MYT1L: variants seen among roughly 807,000 people sequenced by gnomAD.
MYT1L encodes myelin transcription factor 1-like protein.
Under a neutral mutation model 126.7 loss-of-function variants are expected in MYT1L, and 12 were observed. The ratio of observed to expected loss-of-function variants is 0.09; its 90% CI spans 0.06 to 0.15. MYT1L has a LOEUF of 0.15. Ranked by LOEUF, MYT1L falls within the 10% of genes least tolerant of loss-of-function variation. MYT1L has a pLI of 1.00. For missense variants in MYT1L, 979 were observed against 1,585.2 expected (o/e 0.62, Z 6.49); for synonymous variants, 541 against 604.2 (o/e 0.90, Z 1.53).
At position 1,922,552 on chromosome 2, in the gene MYT1L, T is replaced by C. The variant is rs577473815; in HGVS notation, c.1217A>G (p.His406Arg). The C allele has an allele frequency of 7.4e-6, 12 of 1,614,032 alleles. No individual in the cohort carries two copies. In the East Asian group the frequency reaches 8.9e-5, roughly 12 times the overall value. ...FASCAKEDGC[H>R]ERDDDTTSVN... The stretch of plus-strand genomic sequence containing the variant: ...AGAGGTGGTATCGTCGTCCCGCTCA[T>C]GACACCCATCCTCCTTCGCACAGCT... The change falls in exon 10 of 25, where the codon CAT becomes CGT. Residue 406 changes from histidine (H) to arginine (R), a missense_variant. Coordinates refer to ENST00000647738, the MANE Select transcript of MYT1L (RefSeq NM_001303052.2). This position sits in a 1 kb window ranked among gnomAD's most constrained non-coding sequence, Gnocchi z 7.4.
intron 3 of MYT1L, among the ~76,000 whole-genome samples, chr2:2,093,452 A>AT (rs2077104819): frequency 6.6e-6 from 1 of 151,632 alleles, no homozygotes. Flanking sequence ...GATGATGAGC[A>AT]TTTTTTCATG....
chr2:2,301,891 C>T (rs1295408092), intron 1 of MYT1L, among the ~76,000 whole-genome samples: 1 of 150,866 alleles, frequency 6.6e-6, no homozygotes, highest in Non-Finnish European at 1.5e-5. Context: ...CACTACTGGG[C>T]CCAAATATTA....
At chr2:1,813,963 C>A (rs1162659770) in intron 21 of MYT1L, among the ~76,000 whole-genome samples, 1 of 133,108 alleles carries the variant, frequency 7.5e-6, no homozygotes, top group Non-Finnish European at 1.6e-5. Flanking sequence ...GGAGGCGGAG[C>A]TTGCAGTGAG....
chr2:1,867,385 G>A lies in MYT1L; in HGVS notation c.2712-15682C>T, dbSNP rs551907944. Among the ~76,000 whole-genome samples, 53 of 152,232 alleles carry A rather than the reference G, an allele frequency of 3.5e-4. 1 individual carries two copies. In the South Asian group the frequency reaches 9.7e-3, roughly 28 times the overall value. The stretch of plus-strand genomic sequence containing the variant: ...GGCTCTCACCCCGGTGCCCCACAGC[G>A]CCCTTGCCTCCTGCCTATCCCATGT... On this transcript the variant is annotated intron_variant, in intron 18 of 24. Transcript: ENST00000647738.
At chr2:2,322,173 C>A (rs1238727345) in intron 1 of MYT1L, among the ~76,000 whole-genome samples, 1 of 139,536 alleles carries the variant, frequency 7.2e-6, no homozygotes, top group South Asian at 2.3e-4. Context: ...TTTTTTTTTT[C>A]TTTCACAATC....
At chr2:2,137,263 C>T (rs1271764727) in intron 3 of MYT1L, among the ~76,000 whole-genome samples, 6 of 151,932 alleles carry the variant, frequency 3.9e-5, no homozygotes, top group Non-Finnish European at 7.4e-5. Context: ...GGCCATACTG[C>T]CCAAGGTAAT....
intron 3 of MYT1L, among the ~76,000 whole-genome samples, chr2:2,064,346 A>C (rs1218483036): frequency 6.6e-6 from 1 of 152,206 alleles, no homozygotes; most frequent in African/African-American, 2.4e-5. Context: ...AATGGAGTCC[A>C]CACCATCACA....
intron 8 of MYT1L, among the ~76,000 whole-genome samples, chr2:1,966,112 C>T (rs1241730856): frequency 1.3e-5 from 2 of 152,212 alleles, no homozygotes; most frequent in Non-Finnish European, 2.9e-5. Flanking sequence ...TTTCTAATTT[C>T]TGCCTGGCAG....
chr2:2,178,312 G>A lies in MYT1L; in HGVS notation c.-420-5324C>T, dbSNP rs1013008756. Among the ~76,000 whole-genome samples the A allele has an allele frequency of 1.4e-4, 22 of 152,116 alleles. 1 individual carries two copies. Among genetic ancestry groups the A allele is most frequent in the African/African-American group, 5.1e-4 (21 of 41,414 alleles). ...TCCCCAGACCCCCAAGCCATTTGCT[G>A]CTTTACAATATAGTTGAAGACAGGC... On this transcript the variant is annotated intron_variant, in intron 2 of 24. Transcript: ENST00000647738.
chr2:2,126,080 A>C (rs2081650514), intron 3 of MYT1L, among the ~76,000 whole-genome samples: 1 of 152,132 alleles, frequency 6.6e-6, no homozygotes, highest in South Asian at 2.1e-4. Flanking sequence ...GAAAGGGGAG[A>C]GTAGGGGCGG....
chr2:2,144,563 T>C (rs2084573548), intron 3 of MYT1L, among the ~76,000 whole-genome samples: 1 of 152,120 alleles, frequency 6.6e-6, no homozygotes, highest in African/African-American at 2.4e-5. Flanking sequence ...AGTAAAACCT[T>C]ATGGACTAGT....
chr2:2,225,392 C>A (rs1464459684), intron 2 of MYT1L, among the ~76,000 whole-genome samples: 1 of 152,162 alleles, frequency 6.6e-6, no homozygotes, highest in East Asian at 1.9e-4. Context: ...AAGGCAGCAC[C>A]TACCTACGTA....
intron 2 of MYT1L, among the ~76,000 whole-genome samples, chr2:2,187,164 G>T (rs1019763827): frequency 6.6e-6 from 1 of 152,048 alleles, no homozygotes; most frequent in African/African-American, 2.4e-5. Flanking sequence ...TTGGTCGTGG[G>T]CTCCCTCTTC....
intron 2 of MYT1L, among the ~76,000 whole-genome samples, chr2:2,186,295 C>G (rs550905477): frequency 6.7e-6 from 1 of 149,104 alleles, no homozygotes; most frequent in African/African-American, 2.5e-5. Flanking sequence ...GTGAGGGGGA[C>G]GTAGCCGGGC....
chr2:2,036,609 T>G, intron 4 of MYT1L, among the ~76,000 whole-genome samples: 1 of 152,240 alleles, frequency 6.6e-6, no homozygotes, highest in Non-Finnish European at 1.5e-5. Flanking sequence ...TTCCTCTCAG[T>G]CCCCCATATC....
rs112930747 is a variant in MYT1L at position 2,099,979 on chromosome 2, T to C, written c.-303-45856A>G. ...ATCTGTTGAGTGGGAATGGGCGCCA[T>C]AGGCCTTGTCCATCCTCACCCTGTC... On this transcript the variant is annotated intron_variant, in intron 3 of 24. Coordinates refer to ENST00000647738, the MANE Select transcript of MYT1L (RefSeq NM_001303052.2). Among the ~76,000 whole-genome samples the C allele has an allele frequency of 4.6e-5, 7 of 152,328 alleles. No homozygotes were observed. The South Asian group carries it at 8.3e-4, about 18-fold the overall frequency.
intron 3 of MYT1L, among the ~76,000 whole-genome samples, chr2:2,171,766 AC>A (rs1223358518): frequency 2.6e-5 from 4 of 152,168 alleles, no homozygotes; most frequent in African/African-American, 9.7e-5. Context: ...AACAACTGTG[AC>A]CTATTACAGC....
chr2:1,927,574 T>C (rs1022985405), intron 9 of MYT1L, among the ~76,000 whole-genome samples: 6 of 152,180 alleles, frequency 3.9e-5, no homozygotes, highest in African/African-American at 1.2e-4. Context: ...TCCTGCAACA[T>C]CTAGTCCTGA....
intron 1 of MYT1L, among the ~76,000 whole-genome samples, chr2:2,319,951 C>A (rs1003961957): frequency 2.0e-5 from 3 of 152,070 alleles, no homozygotes; most frequent in African/African-American, 7.2e-5. Context: ...CTTAAGGGGT[C>A]TCGCCTTTTC....
Sources: allele counts gnomAD v4.1 joint callset (sites outside exome capture counted in the v4.1 genomes callset), GRCh38; gene constraint gnomAD v4.1.1; non-coding constraint Gnocchi (gnomAD v3.1); transcripts MANE v1.5; gene names NCBI Gene and HGNC (gene_info 2026-07-23, HGNC 2026-07-21).